The following CIT variants were observed in gnomAD, a reference collection of about 807,000 sequenced individuals.
The protein encoded by CIT is citron rho-interacting serine/threonine kinase.
Under a neutral mutation model 272.7 loss-of-function variants are expected in CIT, and 79 were observed. The observed-to-expected ratio is 0.29, with a 90% CI of 0.24 to 0.35. The LOEUF is 0.35. CIT is among the 10% of genes least tolerant of loss of function. The pLI is 1.00. For synonymous variants in CIT, 948 were observed against 995.6 expected, an observed-to-expected ratio of 0.95 and a Z score of 0.90; for missense variants, 1,909 against 2,618.3, an observed-to-expected ratio of 0.73 and a Z score of 5.91.
In CIT at chr12:119,687,954, G is replaced by A. The variant is rs1955668618; in HGVS notation, c.*278C>T. The A allele has an allele frequency of 1.9e-6, 1 of 515,404 alleles. No individual in the cohort carries two copies. Among genetic ancestry groups the A allele is most frequent in the Non-Finnish European group, 3.5e-6 (1 of 289,490 alleles). 31.9% of individuals were successfully genotyped at this position (515,404 alleles called of 1,614,324 possible). A position where few individuals can be genotyped will look rare whatever the true frequency, so the allele number is the denominator to read the frequency against. ...ACTAACTGGTACAGGCTAGAGCTAGGTACAAAAGTTTGTGAATGCTTTGAA... is the reference window on the plus strand; with the variant it reads ...ACTAACTGGTACAGGCTAGAGCTAGATACAAAAGTTTGTGAATGCTTTGAA... On this transcript the variant is annotated 3_prime_UTR_variant, in exon 48 of 48. Coordinates refer to ENST00000392521, the MANE Select transcript of CIT (RefSeq NM_001206999.2).
At chr12:119,714,050 G>T in intron 33 of CIT, 147 bp downstream of exon 33, 1 of 886,640 alleles carries the variant, frequency 1.1e-6, no homozygotes. Context: ...CTTCAACAGG[G>T]GAAAAATAGC....
chr12:119,806,561 T>G (rs1270002373), intron 9 of CIT, among the ~76,000 whole-genome samples: 2 of 152,166 alleles, frequency 1.3e-5, no homozygotes, highest in African/African-American at 4.8e-5. Flanking sequence ...CAGATGCAAG[T>G]GGAGAACAAC....
intron 10 of CIT, among the ~76,000 whole-genome samples, chr12:119,800,809 G>A (rs1966128847): frequency 6.6e-6 from 1 of 152,144 alleles, no homozygotes; most frequent in African/African-American, 2.4e-5. Flanking sequence ...AAAACTGCAG[G>A]AGCTGCTAAG....
chr12:119,870,324 G>T (rs1950631402), intron 2 of CIT, among the ~76,000 whole-genome samples: 1 of 152,054 alleles, frequency 6.6e-6, no homozygotes, highest in Non-Finnish European at 1.5e-5. Flanking sequence ...GCCAAGACGG[G>T]TGGATCACTT....
intron 16 of CIT, among the ~76,000 whole-genome samples, chr12:119,773,195 T>A (rs1963369102): frequency 6.6e-6 from 1 of 152,176 alleles, no homozygotes; most frequent in Admixed American, 6.5e-5. Flanking sequence ...GATGCATTTT[T>A]CTTTCTTGGG....
chr12:119,867,955 A>G (rs142013490), intron 3 of CIT, among the ~76,000 whole-genome samples: 55 of 152,332 alleles, frequency 3.6e-4, no homozygotes, highest in African/African-American at 1.2e-3. Context: ...GGGGCCAGGC[A>G]TGGTGGCTCA....
chr12:119,700,544 G>A (rs1010784804), intron 44 of CIT, among the ~76,000 whole-genome samples: 1 of 152,096 alleles, frequency 6.6e-6, no homozygotes. Flanking sequence ...CACCATGCCT[G>A]GCTAATTTTT....
chr12:119,703,879 A>T (rs776182970), intron 41 of CIT, among the ~76,000 whole-genome samples: 3 of 152,226 alleles, frequency 2.0e-5, no homozygotes, highest in Admixed American at 6.5e-5. Flanking sequence ...TGCAGTCATC[A>T]TCACAGCTCA....
In CIT at chr12:119,691,642, C is replaced by T. The variant is rs11838274; in HGVS notation, c.5883-1188G>A. 6.0e-3 allele frequency among the ~76,000 whole-genome samples: 907 copies of T among 152,312 alleles called. 6 individuals are homozygous for T. Among genetic ancestry groups the T allele is most frequent in the African/African-American group, 0.02 (827 of 41,570 alleles). ...AGTAACCAAGCAGTTGAAAACACTG[C>T]GGCCTTTTTGTACAACCCAACCCAA... is the stretch of plus-strand genomic sequence containing the variant. On this transcript the variant is annotated intron_variant, in intron 46 of 47. Coordinates refer to ENST00000392521, the MANE Select transcript of CIT (RefSeq NM_001206999.2).
chr12:119,744,094 A>G (rs1037112006), intron 23 of CIT, among the ~76,000 whole-genome samples: 1 of 152,230 alleles, frequency 6.6e-6, no homozygotes, highest in Non-Finnish European at 1.5e-5. Context: ...AGGGAAACCA[A>G]TGAAGGTACT....
At chr12:119,827,651 A>T (rs946950953) in intron 7 of CIT, among the ~76,000 whole-genome samples, 16 of 152,036 alleles carry the variant, frequency 1.1e-4, no homozygotes, top group African/African-American at 2.9e-4. Context: ...TTTGGCCAGG[A>T]TGGTCTCGAT....
In CIT at chr12:119,690,108, T is replaced by C. The variant is rs1325529743; in HGVS notation, c.6186+43A>G. The C allele has an allele frequency of 2.8e-6, 4 of 1,433,616 alleles. No homozygotes were observed. In the African/African-American group the frequency reaches 5.9e-5, roughly 21 times the overall value. 88.8% of individuals were successfully genotyped at this position (1,433,616 alleles called of 1,614,324 possible). A position where few individuals can be genotyped will look rare whatever the true frequency, so the allele number is the denominator to read the frequency against. On this transcript the variant is annotated intron_variant, in intron 47 of 47. Coordinates refer to ENST00000392521, the MANE Select transcript of CIT (RefSeq NM_001206999.2). This position sits in a 1 kb window ranked among gnomAD's most constrained non-coding sequence, Gnocchi z 6.0. ...GGGCCTCAGTTCCCCAAGTCACTCC[T>C]GGCCTCCGCAACAGACACACAGGCC...
At chr12:119,845,522 G>A (rs1440334422) in intron 5 of CIT, among the ~76,000 whole-genome samples, 2 of 150,590 alleles carry the variant, frequency 1.3e-5, no homozygotes, top group Non-Finnish European at 3.0e-5. Flanking sequence ...ACATGGTGGT[G>A]GGCACCTGTA....
chr12:119,791,841 G>A (rs191159126), intron 10 of CIT, among the ~76,000 whole-genome samples: 26 of 152,292 alleles, frequency 1.7e-4, no homozygotes, highest in African/African-American at 6.0e-4. Context: ...TAGGGATAAT[G>A]GCATATGACA....
intron 37 of CIT, among the ~76,000 whole-genome samples, chr12:119,711,893 G>A (rs1213022001): frequency 2.6e-5 from 4 of 152,176 alleles, no homozygotes; most frequent in African/African-American, 9.7e-5. Context: ...CTGGGCTCAA[G>A]TGATCCTCCT....
chr12:119,718,518 T>A lies in CIT; in HGVS notation c.4004-109A>T, dbSNP rs888216045. The A allele has an allele frequency of 1.4e-6, 2 of 1,450,522 alleles. No individual in the cohort carries two copies. The highest frequency in any genetic ancestry group is 4.1e-5 in the Admixed American group (2 of 48,570). The allele number at this position is 1,450,522 out of a possible 1,614,324, so 89.9% of individuals were successfully genotyped here. The stretch of plus-strand genomic sequence containing the variant: ...TCAAGGACCCAAGACCAAAAGAATA[T>A]GCGTCACATCAACTTGGCAATGCAC... On this transcript the variant is annotated intron_variant, in intron 31 of 47. Coordinates refer to ENST00000392521, the MANE Select transcript of CIT (RefSeq NM_001206999.2). The surrounding 1 kb of genome is among the most constrained non-coding windows in gnomAD (Gnocchi z 4.8).
At chr12:119,862,996 A>G (rs1254208640) in intron 3 of CIT, among the ~76,000 whole-genome samples, 2 of 149,788 alleles carry the variant, frequency 1.3e-5, no homozygotes, top group African/African-American at 2.5e-5. Context: ...CAAGGTCAAG[A>G]GTTGGAGACC....
intron 9 of CIT, 41 bp downstream of exon 9, chr12:119,822,779 T>C: frequency 6.2e-7 from 1 of 1,607,078 alleles, no homozygotes; most frequent in Non-Finnish European, 8.5e-7. Flanking sequence ...GAGTGTTTCA[T>C]AATCCCAACA....
chr12:119,687,082 C>T lies in CIT; in HGVS notation c.*1150G>A. 1 of 152,742 alleles carries T rather than the reference C, an allele frequency of 6.5e-6. No homozygotes were observed. Among genetic ancestry groups the T allele is most frequent in the East Asian group, 1.9e-4 (1 of 5,192 alleles). 9.5% of individuals were successfully genotyped at this position (152,742 alleles called of 1,614,324 possible). On this transcript the variant is annotated 3_prime_UTR_variant, in exon 48 of 48. Coordinates refer to ENST00000392521, the MANE Select transcript of CIT (RefSeq NM_001206999.2). ...CTGAAATCCTTCTCTGGTCGTAAGG[C>T]TTGAGCGTTTTGTTTTTTGTTTGTT...
Sources: allele counts gnomAD v4.1 joint callset (sites outside exome capture counted in the v4.1 genomes callset), GRCh38; gene constraint gnomAD v4.1.1; non-coding constraint Gnocchi (gnomAD v3.1); transcripts MANE v1.5; gene names NCBI Gene and HGNC (gene_info 2026-07-23, HGNC 2026-07-21).